The following SMURF2 variants were observed in gnomAD, a reference collection of about 807,000 sequenced individuals.
SMURF2 encodes SMAD specific E3 ubiquitin protein ligase 2.
Under a neutral mutation model 109.6 loss-of-function variants are expected in SMURF2, and 48 were observed. The ratio of observed to expected loss-of-function variants is 0.44; its 90% CI spans 0.35 to 0.56. SMURF2 has a LOEUF of 0.56. SMURF2 is among the 20% of genes least tolerant of loss of function. The probability of loss-of-function intolerance (pLI) is 0.01; values close to 1 mark genes in which losing one functional copy is unlikely to be tolerated. For missense variants in SMURF2, 575 were observed against 909.0 expected (o/e 0.63, Z 4.72); for synonymous variants, 288 against 317.1 (o/e 0.91, Z 0.97).
In SMURF2 at chr17:64,555,809, T is replaced by C; in HGVS notation, c.1610+11A>G. The C allele has an allele frequency of 6.4e-7, 1 of 1,565,984 alleles. No individual in the cohort carries two copies. The highest frequency in any genetic ancestry group is 2.3e-5 in the East Asian group (1 of 44,046). ...AGTTTATAATGAAGAGATAGAAGAC[T>C]CAATACATACAGTATCCACACTAAA... On this transcript the variant is annotated intron_variant, in intron 14 of 18. Transcript: ENST00000262435.
At chr17:64,659,451 T>G (rs1439369948) in intron 1 of SMURF2, among the ~76,000 whole-genome samples, 1 of 151,836 alleles carries the variant, frequency 6.6e-6, no homozygotes, top group Non-Finnish European at 1.5e-5. Context: ...CAGATCTAAA[T>G]GAACTGTTAA....
Position 64,578,548 on chromosome 17 carries a change from C to T in SMURF2, c.801G>A (p.Val267=), listed in dbSNP as rs1555686267. 3 of 1,613,734 alleles carry T rather than the reference C, an allele frequency of 1.9e-6. No individual in the cohort carries two copies. Among genetic ancestry groups the T allele is most frequent in the East Asian group, 2.2e-5 (1 of 44,866 alleles). Residue 267 remains valine (V), a synonymous_variant, in exon 9 of 19, where the codon GTG becomes GTA. Coordinates refer to ENST00000262435, the MANE Select transcript of SMURF2 (RefSeq NM_022739.4). ...CACCAGTCTGTGTATGTAAGAAATACACCTGGCCTTGTTGCGTTGTCCTCT... is the reference window on the plus strand; with the variant it reads ...CACCAGTCTGTGTATGTAAGAAATATACCTGGCCTTGTTGCGTTGTCCTCT... ...YEQRTTQQGQ[V]YFLHTQTGVS...
intron 14 of SMURF2, among the ~76,000 whole-genome samples, chr17:64,555,226 G>A (rs1229516032): frequency 6.6e-6 from 1 of 152,174 alleles, no homozygotes; most frequent in African/African-American, 2.4e-5. Flanking sequence ...CTTGGTCAAA[G>A]CTGGGCCTTG....
In SMURF2 at chr17:64,547,571, C is replaced by G; in HGVS notation, c.2071+29G>C. 6.2e-7 allele frequency: 1 copy of G among 1,608,844 alleles called. No homozygotes were observed. ...CTGACAGCCCCGCCCCCACCCGCTG[C>G]CCAGCTTGCCTGCACCTCAGGCTGT... On this transcript the variant is annotated intron_variant, in intron 17 of 18. Coordinates refer to ENST00000262435, the MANE Select transcript of SMURF2 (RefSeq NM_022739.4). This position sits in a 1 kb window ranked among gnomAD's most constrained non-coding sequence, Gnocchi z 4.2.
At chr17:64,620,660 G>A (rs1014253255) in intron 1 of SMURF2, among the ~76,000 whole-genome samples, 4 of 151,900 alleles carry the variant, frequency 2.6e-5, no homozygotes, top group African/African-American at 4.8e-5. Flanking sequence ...CTTCCTTCCC[G>A]TGAACCTCCA....
At chr17:64,558,520 G>A (rs191007190) in intron 12 of SMURF2, among the ~76,000 whole-genome samples, 19 of 152,050 alleles carry the variant, frequency 1.2e-4, no homozygotes, top group African/African-American at 4.6e-4. Flanking sequence ...ATATTTTGTT[G>A]TAGTATTAAG....
Position 64,561,475 on chromosome 17 carries a change from C to T in SMURF2, c.1316+25G>A, listed in dbSNP as rs782347457. On this transcript the variant is annotated intron_variant, in intron 12 of 18. Transcript: ENST00000262435. ...TTTGTAAGTACAAAGATCCATATGT[C>T]ATAAGCTGGCAAGCAAGTCCATACC... 5.3e-6 allele frequency: 8 copies of T among 1,497,058 alleles called. No homozygotes were observed. In the South Asian group the frequency reaches 9.1e-5, roughly 17 times the overall value. The allele number at this position is 1,497,058 out of a possible 1,614,324, so 92.7% of individuals were successfully genotyped here. A position where few individuals can be genotyped will look rare whatever the true frequency, so the allele number is the denominator to read the frequency against.
At position 64,566,562 on chromosome 17, in the gene SMURF2, T is replaced by TTTGG. The variant is rs1491097205; in HGVS notation, c.1017-3597_1017-3596insCCAA. On this transcript the variant is annotated intron_variant, in intron 10 of 18. Transcript: ENST00000262435. Reference sequence around the variant, plus strand: ...ATGTAGAAATGCTTAAGCTTTCTGGTTTTTTTTTTTTTTTTTTTTTTTTTT... The same window carrying TTTGG: ...ATGTAGAAATGCTTAAGCTTTCTGGTTTGGTTTTTTTTTTTTTTTTTTTTTTTTT... Among the ~76,000 whole-genome samples, 279 of 28,284 alleles carry TTTGG rather than the reference T, an allele frequency of 9.9e-3. 9 individuals are homozygous for TTTGG. The highest frequency in any genetic ancestry group is 0.018 in the African/African-American group (132 of 7,258). The allele number at this position is 28,284 out of a possible 152,430, so 18.6% of individuals were successfully genotyped here.
rs868942798 is a variant in SMURF2, at chr17:64,543,163, C to T, written c.*2685G>A. The T allele has an allele frequency of 1.2e-4, 18 of 151,996 alleles. No individual in the cohort carries two copies. Among genetic ancestry groups the T allele is most frequent in the African/African-American group, 3.1e-4 (13 of 41,358 alleles). 9.4% of individuals were successfully genotyped at this position (151,996 alleles called of 1,614,324 possible). ...TTCAATAATACATTGGGGGTTTTTG[C>T]TTAGCACCTATTTGGAAGTAATCGG... On this transcript the variant is annotated 3_prime_UTR_variant, in exon 19 of 19. Transcript: ENST00000262435.
intron 9 of SMURF2, among the ~76,000 whole-genome samples, chr17:64,576,781 T>A (rs1427313650): frequency 4.6e-5 from 7 of 151,998 alleles, no homozygotes; most frequent in Non-Finnish European, 8.8e-5. Context: ...GATTTTTTTT[T>A]AAGCTGAACC....
chr17:64,554,417 T>C (rs531461660), intron 15 of SMURF2, among the ~76,000 whole-genome samples: 3 of 152,154 alleles, frequency 2.0e-5, no homozygotes, highest in African/African-American at 7.2e-5. Flanking sequence ...AGAGTGGCTA[T>C]GGGGGGAGGG....
intron 6 of SMURF2, among the ~76,000 whole-genome samples, chr17:64,584,496 C>T (rs1969624014): frequency 6.6e-6 from 1 of 150,972 alleles, no homozygotes; most frequent in Non-Finnish European, 1.5e-5. Flanking sequence ...GTAGCTGGGA[C>T]TACAGGTGCA....
At chr17:64,606,140 C>T (rs1555689032) in intron 2 of SMURF2, among the ~76,000 whole-genome samples, 1 of 152,006 alleles carries the variant, frequency 6.6e-6, no homozygotes, top group Non-Finnish European at 1.5e-5. Context: ...GTAAGAGCAT[C>T]TAGGATCAAA....
In SMURF2 at chr17:64,545,795, G is replaced by T; in HGVS notation, c.*53C>A. On this transcript the variant is annotated 3_prime_UTR_variant, in exon 19 of 19. Coordinates refer to ENST00000262435, the MANE Select transcript of SMURF2 (RefSeq NM_022739.4). ...ATTCTTTGAAACTCTGCTGAAAGGA[G>T]GCTGTCAGTCAGGGTTGTATAAATA... 1.1e-6 allele frequency: 1 copy of T among 935,076 alleles called. No homozygotes were observed. The highest frequency in any genetic ancestry group is 1.7e-6 in the Non-Finnish European group (1 of 579,328). 57.9% of individuals were successfully genotyped at this position (935,076 alleles called of 1,614,324 possible).
At chr17:64,608,798 C>T (rs1399068384) in intron 1 of SMURF2, among the ~76,000 whole-genome samples, 1 of 152,120 alleles carries the variant, frequency 6.6e-6, no homozygotes, top group Non-Finnish European at 1.5e-5. Context: ...CATATCTAAA[C>T]CACCATGTTC....
chr17:64,579,361 CT>C (rs1555686325), intron 8 of SMURF2, among the ~76,000 whole-genome samples: 2 of 151,740 alleles, frequency 1.3e-5, no homozygotes, highest in African/African-American at 4.8e-5. Context: ...ACATAAAAAA[CT>C]ATTACTAATA....
At chr17:64,657,582 G>A (rs12103810) in intron 1 of SMURF2, among the ~76,000 whole-genome samples, 13,148 of 151,434 alleles carry the variant, frequency 0.087, 1,294 homozygotes, top group African/African-American at 0.24. Context: ...GCATGGACCT[G>A]TAGTCCCAGC....
chr17:64,562,285 CAAAAAAAAAAAAAAA>C (rs782461489), intron 11 of SMURF2, among the ~76,000 whole-genome samples: 3 of 19,020 alleles, frequency 1.6e-4, no homozygotes, highest in South Asian at 2.4e-3. Flanking sequence ...GACTCCGTCT[CAAAAAAAAAAAAAAA>C]AAAAAAAAAA....
chr17:64,597,700 G>C (rs1969837439), intron 3 of SMURF2, among the ~76,000 whole-genome samples: 1 of 151,196 alleles, frequency 6.6e-6, no homozygotes, highest in African/African-American at 2.4e-5. Flanking sequence ...TTGAACTCAG[G>C]AGACAGAGAT....
Sources: gnomAD v4.1 joint callset for allele counts (sites outside exome capture counted in the v4.1 genomes callset) on GRCh38, gnomAD v4.1.1 for gene constraint, Gnocchi (gnomAD v3.1) non-coding constraint, MANE v1.5 for transcripts, NCBI Gene and HGNC (gene_info 2026-07-23, HGNC 2026-07-21) for gene names.